Variants in POMK observed in about 807,000 individuals in gnomAD.
The protein encoded by POMK is Sugen kinase 196.
In POMK, 19 loss-of-function variants were observed where a neutral mutation model predicts 23.0. The ratio of observed to expected loss-of-function variants is 0.83; its 90% CI spans 0.58 to 1.21. POMK has a LOEUF of 1.21. Among genes scored for constraint, POMK ranks in the 50% most tolerant of loss-of-function variants. The probability of loss-of-function intolerance (pLI) is 0.00; values close to 1 mark genes in which losing one functional copy is unlikely to be tolerated. For missense variants in POMK, 410 were observed against 431.3 expected, an observed-to-expected ratio of 0.95 and a Z score of 0.44; for synonymous variants, 173 against 171.6, an observed-to-expected ratio of 1.01 and a Z score of -0.06.
chr8:43,099,473 C>A (rs568218084), intron 2 of POMK, among the ~76,000 whole-genome samples: 1 of 152,172 alleles, frequency 6.6e-6, no homozygotes, highest in Non-Finnish European at 1.5e-5. Context: ...CTCTGGGGGA[C>A]CCCACTACGT....
chr8:43,112,118 C>T (rs530366056), intron 4 of POMK, among the ~76,000 whole-genome samples: 9 of 152,164 alleles, frequency 5.9e-5, no homozygotes, highest in South Asian at 2.1e-4. Flanking sequence ...CAAACTACTG[C>T]GAGCTAAAGG....
intron 4 of POMK, among the ~76,000 whole-genome samples, chr8:43,105,626 A>G (rs1008824775): frequency 6.6e-6 from 1 of 152,166 alleles, no homozygotes; most frequent in Non-Finnish European, 1.5e-5. Context: ...GCTATTGTGA[A>G]TAGTGCTGCA....
At chr8:43,114,556 C>T (rs780259054) in intron 4 of POMK, among the ~76,000 whole-genome samples, 18 of 152,246 alleles carry the variant, frequency 1.2e-4, no homozygotes, top group South Asian at 4.1e-4. Context: ...TGACCCCTTG[C>T]GCTTCCTGAG....
At position 43,122,266 on chromosome 8, in the gene POMK, C is replaced by A; in HGVS notation, c.442C>A (p.Leu148Ile). ...LGYCEDDNTM[L>I]TEYHPLGSLS... ...CTATTGTGAGGATGACAACACTATG[C>A]TTACTGAATATCACCCTCTAGGTTC... The change falls in exon 5 of 5, where the codon CTT (leucine) becomes ATT (isoleucine). Residue 148 changes from leucine (L) to isoleucine (I), a missense_variant. Leu to Ile is a conservative substitution (Grantham distance 5, BLOSUM62 2). Coordinates refer to ENST00000331373, the MANE Select transcript of POMK (RefSeq NM_032237.5). The A allele has an allele frequency of 6.2e-7, 1 of 1,614,184 alleles. No individual in the cohort carries two copies. Among genetic ancestry groups the A allele is most frequent in the African/African-American group, 1.3e-5 (1 of 75,046 alleles).
intron 4 of POMK, among the ~76,000 whole-genome samples, chr8:43,120,997 A>G (rs906892394): frequency 2.6e-5 from 4 of 152,270 alleles, no homozygotes; most frequent in South Asian, 4.1e-4. Flanking sequence ...GTTTCTAAAA[A>G]ATGTTTTGTA....
intron 1 of POMK, among the ~76,000 whole-genome samples, chr8:43,096,263 G>T (rs1209042057): frequency 6.6e-6 from 1 of 152,144 alleles, no homozygotes; most frequent in Non-Finnish European, 1.5e-5. Flanking sequence ...GCAGATAGGG[G>T]CTAGATTTCA....
At position 43,122,577 on chromosome 8, in the gene POMK, G is replaced by A. The variant is rs1811943650; in HGVS notation, c.753G>A (p.Gly251=). ...LVKCGHRELH[G]DFVAPEQLWP... is the part of the protein sequence containing the mutation. ...AGTGCGGCCACAGGGAGCTGCATGG[G>A]GATTTCGTGGCTCCAGAGCAACTGT... The change falls in exon 5 of 5, where the codon GGG becomes GGA. Residue 251 remains glycine (G), a synonymous_variant. Transcript: ENST00000331373. The A allele has an allele frequency of 6.2e-7, 1 of 1,614,074 alleles. No homozygotes were observed. Among genetic ancestry groups the A allele is most frequent in the Admixed American group, 1.7e-5 (1 of 60,012 alleles).
chr8:43,109,112 A>T (rs1212226487), intron 4 of POMK, among the ~76,000 whole-genome samples: 3 of 152,328 alleles, frequency 2.0e-5, no homozygotes, highest in South Asian at 2.1e-4. Context: ...ATTTTTAAAA[A>T]TTTTTTATTT....
In POMK at chr8:43,122,968, G is replaced by A. The variant is rs927658691; in HGVS notation, c.*91G>A. Reference sequence around the variant, plus strand: ...TGGTGGAGTTTTTTGCCTGAGTTTCGTGTTTTATTGTTTTTTTTATGGCTT... The same window carrying A: ...TGGTGGAGTTTTTTGCCTGAGTTTCATGTTTTATTGTTTTTTTTATGGCTT... On this transcript the variant is annotated 3_prime_UTR_variant, in exon 5 of 5. Coordinates refer to ENST00000331373, the MANE Select transcript of POMK (RefSeq NM_032237.5). The A allele has an allele frequency of 1.1e-5, 13 of 1,194,160 alleles. No individual in the cohort carries two copies. The Admixed American group carries it at 1.2e-4, about 11-fold the overall frequency. The allele number at this position is 1,194,160 out of a possible 1,614,324, so 74.0% of individuals were successfully genotyped here. A position where few individuals can be genotyped will look rare whatever the true frequency, so the allele number is the denominator to read the frequency against.
At chr8:43,097,046 G>A (rs978578072) in intron 1 of POMK, among the ~76,000 whole-genome samples, 2 of 152,178 alleles carry the variant, frequency 1.3e-5, no homozygotes, top group Admixed American at 6.5e-5. Flanking sequence ...CTTGAGTCTA[G>A]CCTGGGCAAC....
intron 2 of POMK, among the ~76,000 whole-genome samples, chr8:43,099,025 C>T (rs2130595279): frequency 6.6e-6 from 1 of 152,372 alleles, no homozygotes; most frequent in African/African-American, 2.4e-5. Flanking sequence ...CAGCTCACTG[C>T]AGCCTTGGTC....
chr8:43,100,525 G>A (rs1811417625), intron 2 of POMK, among the ~76,000 whole-genome samples: 1 of 151,866 alleles, frequency 6.6e-6, no homozygotes, highest in Admixed American at 6.6e-5. Flanking sequence ...GTGTGTCTGT[G>A]GGGGCCTGCA....
At chr8:43,098,183 T>G (rs945411865) in intron 2 of POMK, among the ~76,000 whole-genome samples, 1 of 152,208 alleles carries the variant, frequency 6.6e-6, no homozygotes, top group African/African-American at 2.4e-5. Context: ...TTCAGTGATA[T>G]TTAGCATATT....
chr8:43,104,622 C>T (rs1811510951), intron 4 of POMK, among the ~76,000 whole-genome samples: 1 of 152,114 alleles, frequency 6.6e-6, no homozygotes, highest in Non-Finnish European at 1.5e-5. Context: ...ATTGACTTTT[C>T]AACTGTGAAA....
At chr8:43,114,542 G>A (rs1275560745) in intron 4 of POMK, among the ~76,000 whole-genome samples, 2 of 152,210 alleles carry the variant, frequency 1.3e-5, no homozygotes, top group Non-Finnish European at 2.9e-5. Context: ...GAAAGGGAAT[G>A]CCCTGACCCC....
At chr8:43,098,292 C>G (rs1244721503) in intron 2 of POMK, among the ~76,000 whole-genome samples, 1 of 152,200 alleles carries the variant, frequency 6.6e-6, no homozygotes, top group Non-Finnish European at 1.5e-5. Context: ...CCTGCCTCCC[C>G]AGCCTCTGGG....
intron 4 of POMK, among the ~76,000 whole-genome samples, chr8:43,117,276 G>A (rs1348660143): frequency 1.3e-5 from 2 of 152,340 alleles, no homozygotes; most frequent in East Asian, 3.9e-4. Flanking sequence ...GGGATGCGAT[G>A]GCTTGGCTTG....
rs184148746 is a variant in POMK, at chr8:43,095,365, T to G, written c.-210+1802T>G. On this transcript the variant is annotated intron_variant, in intron 1 of 4. Transcript: ENST00000331373. ...TGGGGTATTTTTTTTATTTGTTTTG[T>G]TTTGGTTTGGTTTGGTTTGTTTTTG... 3.4e-4 allele frequency among the ~76,000 whole-genome samples: 52 copies of G among 152,252 alleles called. No homozygotes were observed. In the East Asian group the frequency reaches 6.2e-3, roughly 18 times the overall value.
Position 43,105,463 on chromosome 8 carries a change from G to A in POMK, c.282+1633G>A, listed in dbSNP as rs558283778. 2.2e-4 allele frequency among the ~76,000 whole-genome samples: 33 copies of A among 152,150 alleles called. No individual in the cohort carries two copies. The East Asian group carries it at 4.2e-3, about 20-fold the overall frequency. On this transcript the variant is annotated intron_variant, in intron 4 of 4. Coordinates refer to ENST00000331373, the MANE Select transcript of POMK (RefSeq NM_032237.5). ...ACTTTCTGTTCCTAGTTTATTTCACGTAACATAATGTCCTCCAGTTCCTTT... is the reference window on the plus strand; with the variant it reads ...ACTTTCTGTTCCTAGTTTATTTCACATAACATAATGTCCTCCAGTTCCTTT...
Sources: allele counts gnomAD v4.1 joint callset (sites outside exome capture counted in the v4.1 genomes callset), GRCh38; gene constraint gnomAD v4.1.1; transcripts MANE v1.5; gene names NCBI Gene and HGNC (gene_info 2026-07-23, HGNC 2026-07-21).